FAF1: variants seen among roughly 807,000 people sequenced by gnomAD.
FAF1 encodes the protein FAS-associated factor 1.
In FAF1, 25 loss-of-function variants were observed where a neutral mutation model predicts 92.5. The observed-to-expected ratio is 0.27, with a 90% CI of 0.20 to 0.38. FAF1 has a LOEUF of 0.38. FAF1 is among the 10% of genes least tolerant of loss of function. The pLI is 1.00. For missense variants in FAF1, 636 were observed against 793.3 expected (o/e 0.80, Z 2.38); for synonymous variants, 234 against 273.2 (o/e 0.86, Z 1.42).
chr1:50,460,122 G>A (rs1167276103), intron 18 of FAF1, among the ~76,000 whole-genome samples: 22 of 152,142 alleles, frequency 1.4e-4, no homozygotes, highest in Admixed American at 1.3e-3. Flanking sequence ...GGATTAATGC[G>A]TAGAAAACTC....
At chr1:50,594,902 A>ATG (rs1378468067) in intron 9 of FAF1, among the ~76,000 whole-genome samples, 1 of 149,946 alleles carries the variant, frequency 6.7e-6, no homozygotes, top group African/African-American at 2.4e-5. Context: ...ATATATATAT[A>ATG]TTCTTTAGGC....
At chr1:50,509,343 A>T (rs1307595639) in intron 15 of FAF1, among the ~76,000 whole-genome samples, 1 of 151,992 alleles carries the variant, frequency 6.6e-6, no homozygotes, top group Non-Finnish European at 1.5e-5. Context: ...CAGGCACAGC[A>T]TCTCATGTCT....
chr1:50,846,664 G>A, intron 2 of FAF1: 1 of 551,140 alleles, frequency 1.8e-6, no homozygotes, highest in Admixed American at 2.0e-5. Flanking sequence ...ATTTCCTGGT[G>A]AATTTTTATG....
chr1:50,614,366 C>A (rs569515333), intron 8 of FAF1, among the ~76,000 whole-genome samples: 27 of 151,948 alleles, frequency 1.8e-4, no homozygotes, highest in African/African-American at 5.8e-4. Context: ...AACTAGTTTA[C>A]CTGTAACTTC....
At chr1:50,637,272 C>CT (rs1320107151) in intron 8 of FAF1, among the ~76,000 whole-genome samples, 2 of 72,428 alleles carry the variant, frequency 2.8e-5, no homozygotes, top group Non-Finnish European at 5.2e-5. Flanking sequence ...CCCATTTCTA[C>CT]TAAAAAAAAA....
At chr1:50,929,602 G>A (rs1370000732) in intron 1 of FAF1, among the ~76,000 whole-genome samples, 1 of 152,082 alleles carries the variant, frequency 6.6e-6, no homozygotes, top group Non-Finnish European at 1.5e-5. Context: ...AACACATCTT[G>A]GGAATTTCAT....
chr1:50,678,256 T>C (rs890975352), intron 7 of FAF1, among the ~76,000 whole-genome samples: 6 of 152,160 alleles, frequency 3.9e-5, no homozygotes, highest in Non-Finnish European at 8.8e-5. Flanking sequence ...TCCTATGCAG[T>C]TTTTAGATTC....
intron 7 of FAF1, among the ~76,000 whole-genome samples, chr1:50,691,811 G>A (rs764463620): frequency 2.0e-5 from 3 of 152,170 alleles, no homozygotes; most frequent in Admixed American, 6.5e-5. Flanking sequence ...GTGAGCCATC[G>A]TGCCTGGCCA....
At chr1:50,496,054 A>G (rs1377854361) in intron 15 of FAF1, among the ~76,000 whole-genome samples, 1 of 152,202 alleles carries the variant, frequency 6.6e-6, no homozygotes, top group Admixed American at 6.5e-5. Context: ...CCAAAAAAAA[A>G]GAAATTTAGA....
intron 4 of FAF1, among the ~76,000 whole-genome samples, chr1:50,746,229 G>A (rs1659580106): frequency 2.9e-5 from 3 of 102,382 alleles, no homozygotes; most frequent in South Asian, 3.8e-4. Flanking sequence ...TGTGAGCAAA[G>A]AAATGACCTG....
At chr1:50,755,268 G>C (rs886630524) in intron 4 of FAF1, among the ~76,000 whole-genome samples, 1 of 152,126 alleles carries the variant, frequency 6.6e-6, no homozygotes, top group Admixed American at 6.5e-5. Context: ...CCATTCCAAA[G>C]GGAAGAAACT....
intron 4 of FAF1, among the ~76,000 whole-genome samples, chr1:50,761,538 G>T (rs910773501): frequency 6.6e-6 from 1 of 151,906 alleles, no homozygotes. Flanking sequence ...TTCAATATAC[G>T]CAAATCAATA....
At chr1:50,713,253 A>ATGAAACAGTT (rs545270205) in intron 6 of FAF1, among the ~76,000 whole-genome samples, 1,914 of 70,452 alleles carry the variant, frequency 0.027, 40 homozygotes, top group African/African-American at 0.15. Flanking sequence ...GAAACAGTTA[A>ATGAAACAGTT]AAAAAAAAAA....
intron 2 of FAF1, among the ~76,000 whole-genome samples, chr1:50,812,914 C>T (rs2124607852): frequency 6.6e-6 from 1 of 152,262 alleles, no homozygotes; most frequent in East Asian, 1.9e-4. Context: ...ACAATATGTC[C>T]TTTGCAGCAA....
At chr1:50,830,081 A>G (rs1644138451) in intron 2 of FAF1, among the ~76,000 whole-genome samples, 1 of 152,122 alleles carries the variant, frequency 6.6e-6, no homozygotes, top group Non-Finnish European at 1.5e-5. Context: ...ATGACCCCCA[A>G]GGTATCATTC....
intron 6 of FAF1, among the ~76,000 whole-genome samples, chr1:50,721,915 T>G (rs143538129): frequency 4.5e-4 from 69 of 152,304 alleles, no homozygotes; most frequent in Admixed American, 1.2e-3. Flanking sequence ...GAAGCCACTG[T>G]GCCTGGCCAG....
chr1:50,706,844 C>T lies in FAF1; in HGVS notation c.552-953G>A, dbSNP rs546317695. Among the ~76,000 whole-genome samples, 6 of 152,260 alleles carry T rather than the reference C, an allele frequency of 3.9e-5. No individual in the cohort carries two copies. In the East Asian group the frequency reaches 9.7e-4, roughly 25 times the overall value. ...TTTGGGTGTGCTCCATGGTTTTAACCTTCAACTTTCCTCCTTTGCCCATCT... is the reference window on the plus strand; with the variant it reads ...TTTGGGTGTGCTCCATGGTTTTAACTTTCAACTTTCCTCCTTTGCCCATCT... On this transcript the variant is annotated intron_variant, in intron 6 of 18. Transcript: ENST00000396153.
intron 7 of FAF1, among the ~76,000 whole-genome samples, chr1:50,662,086 C>G (rs1167957617): frequency 3.9e-5 from 6 of 152,066 alleles, no homozygotes; most frequent in African/African-American, 1.4e-4. Context: ...GAATTCAAAT[C>G]AGAAATCAAT....
At chr1:50,503,137 C>T (rs1397933119) in intron 15 of FAF1, among the ~76,000 whole-genome samples, 1 of 152,136 alleles carries the variant, frequency 6.6e-6, no homozygotes, top group Non-Finnish European at 1.5e-5. Context: ...CTGCACCTTG[C>T]TCTTATTTTT....
Sources: gnomAD v4.1 joint callset for allele counts (sites outside exome capture counted in the v4.1 genomes callset) on GRCh38, gnomAD v4.1.1 for gene constraint, MANE v1.5 for transcripts, NCBI Gene and HGNC (gene_info 2026-07-23, HGNC 2026-07-21) for gene names.